PTPRM: variants seen among roughly 807,000 people sequenced by gnomAD.
The protein encoded by PTPRM is protein tyrosine phosphatase receptor type M, also known as receptor-type tyrosine-protein phosphatase mu.
Under a neutral mutation model 186.7 loss-of-function variants are expected in PTPRM, and 47 were observed. The observed-to-expected ratio is 0.25, with a 90% CI of 0.20 to 0.32. PTPRM has a LOEUF of 0.32. Among genes scored for constraint, PTPRM ranks in the 10% least tolerant of loss-of-function variants. The pLI, the probability that PTPRM is intolerant of heterozygous loss-of-function variation, is 1.00. For synonymous variants in PTPRM, 668 were observed against 674.9 expected, an observed-to-expected ratio of 0.99 and a Z score of 0.16; for missense variants, 1,494 against 1,865.0, an observed-to-expected ratio of 0.80 and a Z score of 3.66.
intron 7 of PTPRM, among the ~76,000 whole-genome samples, chr18:7,962,524 T>C (rs1004349972): frequency 6.6e-6 from 1 of 152,198 alleles, no homozygotes; most frequent in Non-Finnish European, 1.5e-5. Flanking sequence ...AAATATTAAT[T>C]CGCTGTGTTT....
At chr18:8,124,981 T>C (rs1418731607) in intron 13 of PTPRM, among the ~76,000 whole-genome samples, 1 of 152,106 alleles carries the variant, frequency 6.6e-6, no homozygotes, top group Non-Finnish European at 1.5e-5. Flanking sequence ...TACGTGGTGC[T>C]TGCTGGTTAG....
At chr18:7,929,948 T>G (rs911031563) in intron 5 of PTPRM, among the ~76,000 whole-genome samples, 2 of 152,234 alleles carry the variant, frequency 1.3e-5, no homozygotes, top group Admixed American at 6.5e-5. Flanking sequence ...GGCAGAAAAT[T>G]GAAGAAAAGA....
intron 1 of PTPRM, among the ~76,000 whole-genome samples, chr18:7,617,697 T>C (rs925996667): frequency 6.6e-6 from 1 of 152,222 alleles, no homozygotes; most frequent in African/African-American, 2.4e-5. Flanking sequence ...ATATGCATTT[T>C]TAAATGTAAT....
chr18:8,119,771 G>A (rs8099174), intron 13 of PTPRM, among the ~76,000 whole-genome samples: 15,609 of 152,036 alleles, frequency 0.1, 1,099 homozygotes, highest in African/African-American at 0.2. Flanking sequence ...AGGAGATCCC[G>A]CTGCACGTAA....
rs602338 is a variant in PTPRM, at chr18:7,821,697, A to G, written c.196+47426A>G. On this transcript the variant is annotated intron_variant, in intron 2 of 32. Transcript: ENST00000580170. ...ACTAGTCTTGTGCTTTGGGGTCATT[A>G]TGAAGTAAAATAAGAGTTCCTTGAA... Among the ~76,000 whole-genome samples, 1,068 of 152,302 alleles carry G rather than the reference A, an allele frequency of 7.0e-3. 12 individuals are homozygous for G. The highest frequency in any genetic ancestry group is 0.024 in the African/African-American group (1,007 of 41,570).
At chr18:7,915,202 C>T (rs942179046) in intron 4 of PTPRM, among the ~76,000 whole-genome samples, 13 of 151,942 alleles carry the variant, frequency 8.6e-5, no homozygotes, top group African/African-American at 3.1e-4. Flanking sequence ...AATATGGAAG[C>T]GATGAGAGGA....
At chr18:7,874,991 G>A (rs1180098018) in intron 2 of PTPRM, among the ~76,000 whole-genome samples, 1 of 152,074 alleles carries the variant, frequency 6.6e-6, no homozygotes, top group African/African-American at 2.4e-5. Flanking sequence ...CCAGGAGTTC[G>A]AGATCAGCCT....
intron 20 of PTPRM, among the ~76,000 whole-genome samples, chr18:8,308,281 A>G (rs573494263): frequency 3.3e-5 from 5 of 152,356 alleles, no homozygotes; most frequent in African/African-American, 9.6e-5. Flanking sequence ...AATTGGCTAC[A>G]GCTAGGCATC....
intron 22 of PTPRM, among the ~76,000 whole-genome samples, chr18:8,328,753 C>A (rs2095394082): frequency 1.3e-5 from 2 of 152,204 alleles, no homozygotes; most frequent in East Asian, 1.9e-4. Flanking sequence ...TTTTACCAAC[C>A]ATCTGTGGTT....
chr18:7,665,611 C>A (rs529819557), intron 1 of PTPRM, among the ~76,000 whole-genome samples: 12 of 152,158 alleles, frequency 7.9e-5, no homozygotes, highest in Admixed American at 5.9e-4. Flanking sequence ...TTGGACCTTA[C>A]CTATACTTGA....
At chr18:7,896,679 A>G (rs540724839) in intron 3 of PTPRM, among the ~76,000 whole-genome samples, 2 of 152,284 alleles carry the variant, frequency 1.3e-5, no homozygotes, top group South Asian at 2.1e-4. Flanking sequence ...TGCCTTAGAT[A>G]TACTGAAGGG....
In PTPRM at chr18:8,036,760, AC is replaced by A. The variant is rs745611438; in HGVS notation, c.1133-32925del. On this transcript the variant is annotated intron_variant, in intron 7 of 32. Transcript: ENST00000580170. The stretch of plus-strand genomic sequence containing the variant: ...CTCCCCTGTTACCTGAGCTCCTGCA[AC>A]ATTGAAGACTTAATTTGGGCGCTTC... Among the ~76,000 whole-genome samples the A allele has an allele frequency of 1.2e-3, 179 of 152,316 alleles. 1 individual carries two copies. The highest frequency in any genetic ancestry group is 7.8e-4 in the Non-Finnish European group (53 of 68,024).
At chr18:7,766,055 C>A (rs2042001170) in intron 1 of PTPRM, among the ~76,000 whole-genome samples, 1 of 152,154 alleles carries the variant, frequency 6.6e-6, no homozygotes, top group Admixed American at 6.5e-5. Flanking sequence ...CTTTCGAGAG[C>A]TTATTTACAA....
chr18:7,822,665 A>G (rs1567871900), intron 2 of PTPRM, among the ~76,000 whole-genome samples: 1 of 152,104 alleles, frequency 6.6e-6, no homozygotes, highest in Non-Finnish European at 1.5e-5. Flanking sequence ...TTTTGCTTTC[A>G]TTACAACCCT....
chr18:8,118,667 G>T (rs1262595851), intron 13 of PTPRM, among the ~76,000 whole-genome samples: 1 of 151,948 alleles, frequency 6.6e-6, no homozygotes, highest in African/African-American at 2.4e-5. Flanking sequence ...GGGCGCAGTG[G>T]TGGGTGCCTT....
At chr18:7,649,657 G>A (rs527909568) in intron 1 of PTPRM, among the ~76,000 whole-genome samples, 4 of 152,164 alleles carry the variant, frequency 2.6e-5, no homozygotes, top group Admixed American at 1.3e-4. Flanking sequence ...CCCGGGAGGC[G>A]GATGTTGCAG....
At chr18:8,113,376 C>CGTCCAG in intron 11 of PTPRM, 110 bp from the exon 12 acceptor site, 1 of 956,386 alleles carries the variant, frequency 1.0e-6, no homozygotes, top group Admixed American at 2.1e-5. Flanking sequence ...GTATGGACTG[C>CGTCCAG]GTCCAGTGTG....
chr18:8,357,971 A>C (rs1345695651), intron 23 of PTPRM, among the ~76,000 whole-genome samples: 1 of 152,204 alleles, frequency 6.6e-6, no homozygotes, highest in Non-Finnish European at 1.5e-5. Context: ...TTAAATACTA[A>C]GTTCTGCATT....
chr18:8,189,169 C>T (rs1430173746), intron 14 of PTPRM, among the ~76,000 whole-genome samples: 1 of 151,692 alleles, frequency 6.6e-6, no homozygotes, highest in Non-Finnish European at 1.5e-5. Context: ...TGGTGGTGTG[C>T]ACCTGTGGTC....
Sources: allele counts gnomAD v4.1 joint callset (sites outside exome capture counted in the v4.1 genomes callset), GRCh38; gene constraint gnomAD v4.1.1; transcripts MANE v1.5; gene names NCBI Gene and HGNC (gene_info 2026-07-23, HGNC 2026-07-21).